The following EPS15L1 variants were observed in gnomAD, a reference collection of about 807,000 sequenced individuals.
EPS15L1 encodes epidermal growth factor receptor substrate 15-like 1.
Under a neutral mutation model 117.1 loss-of-function variants are expected in EPS15L1, and 43 were observed. That is an observed-to-expected ratio of 0.37 (90% confidence interval 0.29 to 0.47). The LOEUF is 0.47. Among genes scored for constraint, EPS15L1 ranks in the 20% least tolerant of loss-of-function variants. The pLI is 0.99. For missense variants in EPS15L1, 981 were observed against 1,164.0 expected (o/e 0.84, Z 2.29); for synonymous variants, 459 against 470.5 (o/e 0.98, Z 0.32).
In EPS15L1 at chr19:16,402,425, G is replaced by A; in HGVS notation, c.1687C>T (p.Gln563Ter). 1 of 1,613,738 alleles carries A rather than the reference G, an allele frequency of 6.2e-7. No individual in the cohort carries two copies. The highest frequency in any genetic ancestry group is 8.5e-7 in the Non-Finnish European group (1 of 1,179,816). Residue 563 changes from glutamine (Q) to a stop codon, truncating the protein, a stop_gained, in exon 16 of 24, where the codon CAG becomes TAG. Transcript: ENST00000455140. LOFTEE classifies it high-confidence loss of function. ...GCTCCATCGAGCACCTGGTCATACT[G>A]CTCCAGGCTCCTGTGGGCCTCCTGG... Reference protein sequence around the residue: ...SRQEAHRSLEQYDQVLDGAHG... With the variant: ...SRQEAHRSLE
intron 1 of EPS15L1, 62 bp from the exon 2 acceptor site, chr19:16,442,281 T>C: frequency 1.4e-6 from 2 of 1,469,854 alleles, no homozygotes; most frequent in Non-Finnish European, 1.9e-6. Flanking sequence ...AAAAAAAGGG[T>C]TGCCCCCTCA....
Position 16,405,755 on chromosome 19 carries a change from C to T in EPS15L1, c.1267-1006G>A, listed in dbSNP as rs1340366696. Among the ~76,000 whole-genome samples, 2 of 152,214 alleles carry T rather than the reference C, an allele frequency of 1.3e-5. No homozygotes were observed. Among genetic ancestry groups the T allele is most frequent in the Non-Finnish European group, 2.9e-5 (2 of 68,018 alleles). ...ATCAACCTTTCTGGAAGGCCCCCTC[C>T]AGGAGCTCATGAACAGCACCTCCGG... On this transcript the variant is annotated intron_variant, in intron 13 of 23. Coordinates refer to ENST00000455140, the MANE Select transcript of EPS15L1 (RefSeq NM_001258374.3). This position sits in a 1 kb window ranked among gnomAD's most constrained non-coding sequence, Gnocchi z 4.0.
chr19:16,401,346 A>G, intron 16 of EPS15L1: 1 of 985,422 alleles, frequency 1.0e-6, no homozygotes, highest in Non-Finnish European at 1.2e-6. Context: ...ATTGAACATA[A>G]AGAGGCAAGT....
intron 21 of EPS15L1, among the ~76,000 whole-genome samples, chr19:16,384,635 T>G (rs2092399915): frequency 6.6e-6 from 1 of 150,770 alleles, no homozygotes; most frequent in South Asian, 2.1e-4. Context: ...GCTGCTGTCC[T>G]CCTTCAACAG....
intron 23 of EPS15L1, among the ~76,000 whole-genome samples, chr19:16,358,761 C>A (rs1400002451): frequency 6.6e-6 from 1 of 152,238 alleles, no homozygotes; most frequent in Non-Finnish European, 1.5e-5. Flanking sequence ...GCAGGACATG[C>A]CTAGCCACTT....
intron 1 of EPS15L1, among the ~76,000 whole-genome samples, chr19:16,458,657 CG>C (rs2093219602): frequency 6.6e-6 from 1 of 152,034 alleles, no homozygotes; most frequent in Non-Finnish European, 1.5e-5. Flanking sequence ...CCTACCTTGC[CG>C]GGCTGATTTC....
At chr19:16,464,956 G>A (rs924906973) in intron 1 of EPS15L1, among the ~76,000 whole-genome samples, 3 of 152,038 alleles carry the variant, frequency 2.0e-5, no homozygotes, top group Non-Finnish European at 4.4e-5. Flanking sequence ...GCGGGTGCCT[G>A]TAGTCCCAGC....
At position 16,459,534 on chromosome 19, in the gene EPS15L1, G is replaced by A. The variant is rs1013266673; in HGVS notation, c.33+12379C>T. ...GAAGGTGCAGTTGGTAGTGGGGAGC[G>A]GGCAGACATAGCTCTGTGGCTCAGT... is the stretch of plus-strand genomic sequence containing the variant. On this transcript the variant is annotated intron_variant, in intron 1 of 23. Transcript: ENST00000455140. 7.2e-5 allele frequency among the ~76,000 whole-genome samples: 11 copies of A among 152,086 alleles called. No homozygotes were observed. In the South Asian group the frequency reaches 1.5e-3, roughly 20 times the overall value.
intron 12 of EPS15L1, among the ~76,000 whole-genome samples, chr19:16,414,698 CT>C (rs1282693307): frequency 1.2e-4 from 18 of 149,368 alleles, no homozygotes; most frequent in African/African-American, 4.4e-4. Flanking sequence ...CACGCCTGGC[CT>C]TTTTTTGGTT....
At position 16,403,751 on chromosome 19, in the gene EPS15L1, C is replaced by T. The variant is rs767571837; in HGVS notation, c.1608G>A (p.Thr536=). The stretch of plus-strand genomic sequence containing the variant: ...GAAGTACCTGGTTGATTTCGTCTTG[C>T]GTTGACTTCAGGGACTTGATGATGG... ...LETIIKSLKS[T]QDEINQARSK... Residue 536 remains threonine, a synonymous_variant, in exon 15 of 24, where the codon ACG becomes ACA. Coordinates refer to ENST00000455140, the MANE Select transcript of EPS15L1 (RefSeq NM_001258374.3). 3.7e-6 allele frequency: 6 copies of T among 1,613,150 alleles called. 1 individual carries two copies. Among genetic ancestry groups the T allele is most frequent in the South Asian group, 2.2e-5 (2 of 91,082 alleles).
intron 9 of EPS15L1, among the ~76,000 whole-genome samples, chr19:16,424,299 G>A (rs1487328350): frequency 8.5e-5 from 13 of 152,160 alleles, no homozygotes; most frequent in Admixed American, 4.6e-4. Context: ...TACCAATGCC[G>A]TCGTGGGGGC....
intron 1 of EPS15L1, among the ~76,000 whole-genome samples, chr19:16,460,593 G>A (rs2093239256): frequency 6.6e-6 from 1 of 152,174 alleles, no homozygotes; most frequent in Non-Finnish European, 1.5e-5. Flanking sequence ...TTGCACCCTG[G>A]TGATGGACAA....
chr19:16,410,093 C>T (rs544607411), intron 13 of EPS15L1, among the ~76,000 whole-genome samples: 4 of 151,570 alleles, frequency 2.6e-5, no homozygotes, highest in South Asian at 2.1e-4. Context: ...GAGATTGCAC[C>T]CTTGTGCTCC....
chr19:16,430,419 C>T (rs1237255408), intron 7 of EPS15L1, among the ~76,000 whole-genome samples: 1 of 152,218 alleles, frequency 6.6e-6, no homozygotes, highest in East Asian at 1.9e-4. Context: ...ACTGTGCAAC[C>T]AAGGTGACTT....
Position 16,395,361 on chromosome 19 carries a change from C to T in EPS15L1, c.1898G>A (p.Gly633Glu), listed in dbSNP as rs2092529116. The T allele has an allele frequency of 1.9e-6, 3 of 1,613,970 alleles. No homozygotes were observed. Among genetic ancestry groups the T allele is most frequent in the Non-Finnish European group, 2.5e-6 (3 of 1,179,946 alleles). Residue 633 changes from glycine (G) to glutamate (E), a missense_variant, in exon 17 of 24, where the codon GGA becomes GAA. Gly to Glu is a moderately conservative substitution (Grantham distance 98). Around this residue, in one of 5 missense-constraint regions of EPS15L1, gnomAD observed 819 missense variants for 949.0 expected, o/e 0.86. Transcript: ENST00000455140. Reference protein sequence around the residue: ...EDPFKSDPFKGADPFKGDPFQ... With the variant: ...EDPFKSDPFKEADPFKGDPFQ... ...TGAGATACCTTTGAAGGGGTCAGCT[C>T]CTTTAAATGGGTCAGATTTGAAGGG...
At chr19:16,420,924 C>A (rs541300125) in intron 10 of EPS15L1, among the ~76,000 whole-genome samples, 2 of 152,350 alleles carry the variant, frequency 1.3e-5, no homozygotes, top group East Asian at 3.9e-4. Flanking sequence ...CCCGCCCTCA[C>A]CCTGCCAGGC....
Position 16,404,006 on chromosome 19 carries a change from G to T in EPS15L1, c.1429-76C>A. On this transcript the variant is annotated intron_variant, in intron 14 of 23. Coordinates refer to ENST00000455140, the MANE Select transcript of EPS15L1 (RefSeq NM_001258374.3). The surrounding 1 kb of genome is among the most constrained non-coding windows in gnomAD (Gnocchi z 4.2). ...ATGGGACTCCGAGAAAGAACTCTTA[G>T]CCCCCATCCCCGAAACAAGCTAAGC... is the stretch of plus-strand genomic sequence containing the variant. 7.3e-7 allele frequency: 1 copy of T among 1,373,546 alleles called. No individual in the cohort carries two copies. Among genetic ancestry groups the T allele is most frequent in the Non-Finnish European group, 1.0e-6 (1 of 991,864 alleles). The allele number at this position is 1,373,546 out of a possible 1,614,324, so 85.1% of individuals were successfully genotyped here. A position where few individuals can be genotyped will look rare whatever the true frequency, so the allele number is the denominator to read the frequency against.
At chr19:16,388,800 C>T (rs2092448046) in intron 19 of EPS15L1, among the ~76,000 whole-genome samples, 1 of 152,120 alleles carries the variant, frequency 6.6e-6, no homozygotes, top group South Asian at 2.1e-4. Flanking sequence ...GCACTCCAGC[C>T]TGGGCAACAG....
At chr19:16,460,150 G>A (rs1415431869) in intron 1 of EPS15L1, among the ~76,000 whole-genome samples, 1 of 152,146 alleles carries the variant, frequency 6.6e-6, no homozygotes, top group Non-Finnish European at 1.5e-5. Context: ...GCGTGGTGGT[G>A]TGCTGAGGAG....
Sources: gnomAD v4.1 joint callset for allele counts (sites outside exome capture counted in the v4.1 genomes callset) on GRCh38, gnomAD v4.1.1 for gene constraint, gnomAD v4.1.1 regional missense constraint, Gnocchi (gnomAD v3.1) non-coding constraint, MANE v1.5 for transcripts, NCBI Gene and HGNC (gene_info 2026-07-23, HGNC 2026-07-21) for gene names.